Variants in HMMR observed in about 807,000 individuals in gnomAD.
The protein encoded by HMMR is hyaluronan mediated motility receptor, also known as intracellular hyaluronic acid-binding protein.
In HMMR, 108 loss-of-function variants were observed where a neutral mutation model predicts 101.0. That is an observed-to-expected ratio of 1.07 (90% CI 0.92 to 1.25). The LOEUF is 1.25. HMMR is among the 50% of genes most tolerant of loss of function. The pLI, the probability that HMMR is intolerant of heterozygous loss-of-function variation, is 0.00. For synonymous variants in HMMR, 296 were observed against 276.4 expected (o/e 1.07, Z -0.70); for missense variants, 813 against 788.7 (o/e 1.03, Z -0.37).
intron 16 of HMMR, among the ~76,000 whole-genome samples, chr5:163,487,880 G>A (rs1759532411): frequency 6.6e-6 from 1 of 151,734 alleles, no homozygotes; most frequent in African/African-American, 2.4e-5. Context: ...TTTAGAGACA[G>A]GATCTCACTC....
Position 163,484,800 on chromosome 5 carries a change from A to G in HMMR, c.1962+555A>G, listed in dbSNP as rs114045436. On this transcript the variant is annotated intron_variant, in intron 16 of 17. Transcript: ENST00000393915. ...CCCCACCCTTCAGCCCTAAGAAACCACTAATCTACTTTCTGTCTCTGTTGA... is the reference window on the plus strand; with the variant it reads ...CCCCACCCTTCAGCCCTAAGAAACCGCTAATCTACTTTCTGTCTCTGTTGA... Among the ~76,000 whole-genome samples the G allele has an allele frequency of 9.2e-3, 1,400 of 151,910 alleles. 23 individuals are homozygous for G. Among genetic ancestry groups the G allele is most frequent in the African/African-American group, 0.031 (1,276 of 41,388 alleles).
At chr5:163,484,366 T>C (rs1759396342) in intron 16 of HMMR, 121 bp downstream of exon 16, 5 of 571,232 alleles carry the variant, frequency 8.8e-6, no homozygotes, top group East Asian at 6.4e-5. Context: ...TAGAGGAAAA[T>C]TGAGCTGTGA....
rs544475211 is a variant in HMMR, at chr5:163,483,448, G to C, written c.1785+81G>C. 1.1e-5 allele frequency: 8 copies of C among 717,862 alleles called. No homozygotes were observed. In the African/African-American group the frequency reaches 1.2e-4, roughly 11 times the overall value. The allele number at this position is 717,862 out of a possible 1,614,324, so 44.5% of individuals were successfully genotyped here. A position where few individuals can be genotyped will look rare whatever the true frequency, so the allele number is the denominator to read the frequency against. ...CCTATTATAGTGAGGACAGTGACTC[G>C]GGTTTTCTGCAAGATCATTTTGCTC... On this transcript the variant is annotated intron_variant, in intron 15 of 17. Coordinates refer to ENST00000393915, the MANE Select transcript of HMMR (RefSeq NM_001142556.2).
At chr5:163,464,916 T>G in intron 3 of HMMR, 114 bp downstream of exon 3, 2 of 659,850 alleles carry the variant, frequency 3.0e-6, no homozygotes, top group Non-Finnish European at 5.3e-6. Context: ...TAAGTAAATC[T>G]GTAAATTAAT....
intron 11 of HMMR, among the ~76,000 whole-genome samples, chr5:163,477,009 C>T (rs771785365): frequency 6.6e-6 from 1 of 152,162 alleles, no homozygotes; most frequent in African/African-American, 2.4e-5. Context: ...CCAGCCTGGG[C>T]GACAGAGGGA....
chr5:163,479,100 G>T (rs1759168972), intron 12 of HMMR, among the ~76,000 whole-genome samples: 1 of 152,162 alleles, frequency 6.6e-6, no homozygotes, highest in Non-Finnish European at 1.5e-5. Flanking sequence ...GAGGTGGGAG[G>T]ATCAAGTCAT....
chr5:163,472,805 A>T (rs1206565844), intron 7 of HMMR, among the ~76,000 whole-genome samples: 1 of 152,182 alleles, frequency 6.6e-6, no homozygotes, highest in Non-Finnish European at 1.5e-5. Context: ...CAGATAAGTA[A>T]TTGAAGACCA....
chr5:163,466,628 T>A (rs1758716300), intron 3 of HMMR, among the ~76,000 whole-genome samples: 1 of 152,202 alleles, frequency 6.6e-6, no homozygotes, highest in Admixed American at 6.5e-5. Flanking sequence ...TACATAAACA[T>A]TTCTGATGAA....
chr5:163,469,958 G>A (rs1438801822), intron 5 of HMMR, 129 bp downstream of exon 5: 10 of 576,926 alleles, frequency 1.7e-5, no homozygotes, highest in South Asian at 2.3e-5. Flanking sequence ...ACCTGAGGTC[G>A]GGAGTTCGAG....
chr5:163,474,292 C>A (rs1759000835), intron 10 of HMMR, 87 bp downstream of exon 10: 3 of 942,830 alleles, frequency 3.2e-6, no homozygotes, highest in Non-Finnish European at 4.8e-6. Flanking sequence ...TGTGTATATC[C>A]TTTGATCTAC....
At position 163,478,764 on chromosome 5, in the gene HMMR, T is replaced by C; in HGVS notation, c.1349T>C (p.Val450Ala). ...TTGCAGGAAAAGTATGACAGTATGG[T>C]GCAAAGCCTTGAAGATGTTACTGCT... The part of the protein sequence containing the change: ...LLLQEKYDSM[V>A]QSLEDVTAQF... Residue 450 changes from valine (V) to alanine (A), a missense_variant, in exon 12 of 18, where the codon GTG becomes GCG. Transcript: ENST00000393915. 1 of 1,611,296 alleles carries C rather than the reference T, an allele frequency of 6.2e-7. No homozygotes were observed.
intron 16 of HMMR, among the ~76,000 whole-genome samples, chr5:163,489,850 G>A (rs555647767): frequency 2.0e-5 from 3 of 152,324 alleles, no homozygotes; most frequent in East Asian, 3.9e-4. Flanking sequence ...TGGGGGAAAA[G>A]AGGGCCCTGT....
chr5:163,478,803 A>G lies in HMMR; in HGVS notation c.1385+3A>G, dbSNP rs1277433237. 2 of 1,521,534 alleles carry G rather than the reference A, an allele frequency of 1.3e-6. No homozygotes were observed. The allele number at this position is 1,521,534 out of a possible 1,614,324, so 94.3% of individuals were successfully genotyped here. A position where few individuals can be genotyped will look rare whatever the true frequency, so the allele number is the denominator to read the frequency against. On this transcript the variant is annotated splice_donor_region_variant and intron_variant, in intron 12 of 17. Coordinates refer to ENST00000393915, the MANE Select transcript of HMMR (RefSeq NM_001142556.2). Reference sequence around the variant, plus strand: ...GATGTTACTGCTCAATTTGAAAGGTATTTTTCTTGGGAGCCTGCACTCTTA... The same window carrying G: ...GATGTTACTGCTCAATTTGAAAGGTGTTTTTCTTGGGAGCCTGCACTCTTA...
At chr5:163,487,094 G>A (rs1759504244) in intron 16 of HMMR, among the ~76,000 whole-genome samples, 1 of 152,126 alleles carries the variant, frequency 6.6e-6, no homozygotes, top group Non-Finnish European at 1.5e-5. Flanking sequence ...TGTCATAGAT[G>A]CTCTTTATCA....
rs1309777075 is a variant in HMMR, at chr5:163,466,093, G to A, written c.225+1291G>A. On this transcript the variant is annotated intron_variant, in intron 3 of 17. Transcript: ENST00000393915. ...AGCCTGACCCACATGGTGAAACCCC[G>A]TCTCTACTAAAAATACAAGAAAATT... Among the ~76,000 whole-genome samples the A allele has an allele frequency of 4.6e-5, 7 of 151,288 alleles. No individual in the cohort carries two copies. The East Asian group carries it at 5.9e-4, about 13-fold the overall frequency.
intron 10 of HMMR, 103 bp downstream of exon 10, chr5:163,474,308 C>A (rs1759001291): frequency 1.2e-6 from 1 of 848,544 alleles, no homozygotes; most frequent in African/African-American, 1.7e-5. Context: ...TCTACCAATT[C>A]TATCTTTAGA....
intron 11 of HMMR, 42 bp from the exon 12 acceptor site, chr5:163,478,642 T>C (rs199929873): frequency 1.8e-6 from 2 of 1,127,482 alleles, no homozygotes; most frequent in Non-Finnish European, 2.7e-6. Flanking sequence ...AGGGTAGTAA[T>C]TGTAGGTGGC....
chr5:163,463,881 T>C lies in HMMR; in HGVS notation c.72T>C (p.Tyr24=). The C allele has an allele frequency of 6.7e-7, 1 of 1,484,898 alleles. No homozygotes were observed. The highest frequency in any genetic ancestry group is 9.0e-7 in the Non-Finnish European group (1 of 1,113,802). 92.0% of individuals were successfully genotyped at this position (1,484,898 alleles called of 1,614,324 possible). A position where few individuals can be genotyped will look rare whatever the true frequency, so the allele number is the denominator to read the frequency against. ...GTTGTGCACCATCTCCAGGTGCTTA[T>C]GATGTTAAAACTTTAGAAGTATTGA... ...PSGCAPSPGA[Y]DVKTLEVLKG... Residue 24 remains tyrosine, a synonymous_variant, in exon 2 of 18, where the codon TAT becomes TAC. Coordinates refer to ENST00000393915, the MANE Select transcript of HMMR (RefSeq NM_001142556.2).
rs1758620714 is a variant in HMMR at position 163,463,955 on chromosome 5, G to A, written c.145+1G>A. 9.5e-7 allele frequency: 1 copy of A among 1,053,710 alleles called. No individual in the cohort carries two copies. Among genetic ancestry groups the A allele is most frequent in the East Asian group, 2.8e-5 (1 of 35,994 alleles). The allele number at this position is 1,053,710 out of a possible 1,614,324, so 65.3% of individuals were successfully genotyped here. A position where few individuals can be genotyped will look rare whatever the true frequency, so the allele number is the denominator to read the frequency against. ...TCACAAAGATTTAAACAACAAAAAGGTAATATAGATCACCAAAGAACAATG... is the reference window on the plus strand; with the variant it reads ...TCACAAAGATTTAAACAACAAAAAGATAATATAGATCACCAAAGAACAATG... On this transcript the variant is annotated splice_donor_variant, in intron 2 of 17. Transcript: ENST00000393915. LOFTEE classifies it high-confidence loss of function.
Sources: gnomAD v4.1 joint callset for allele counts (sites outside exome capture counted in the v4.1 genomes callset) on GRCh38, gnomAD v4.1.1 for gene constraint, MANE v1.5 for transcripts, NCBI Gene and HGNC (gene_info 2026-07-23, HGNC 2026-07-21) for gene names.